Variants in ARID3B observed in about 807,000 individuals in gnomAD.
ARID3B encodes the protein AT-rich interactive domain-containing protein 3B.
ARID3B carries 10 observed loss-of-function variants against 51.9 expected under a neutral mutation model. The ratio of observed to expected loss-of-function variants is 0.19; its 90% CI spans 0.12 to 0.33. The LOEUF is 0.33. Ranked by LOEUF, ARID3B falls within the 10% of genes least tolerant of loss-of-function variation. The pLI is 1.00. For missense variants in ARID3B, 483 were observed against 716.3 expected, an observed-to-expected ratio of 0.67 and a Z score of 3.72; for synonymous variants, 205 against 279.5, an observed-to-expected ratio of 0.73 and a Z score of 2.66.
intron 2 of ARID3B, among the ~76,000 whole-genome samples, chr15:74,557,252 C>T (rs1045409706): frequency 1.1e-4 from 17 of 149,282 alleles, no homozygotes; most frequent in South Asian, 4.2e-4. Context: ...CTGTCTCTAC[C>T]GAAAAAAAAA....
chr15:74,573,478 C>A, intron 4 of ARID3B: 1 of 477,080 alleles, frequency 2.1e-6, no homozygotes, highest in Non-Finnish European at 3.8e-6. Context: ...GGAGTCACTT[C>A]AAATTCAAAT....
chr15:74,564,752 C>T (rs2061691730), intron 2 of ARID3B, among the ~76,000 whole-genome samples: 4 of 152,126 alleles, frequency 2.6e-5, no homozygotes, highest in Admixed American at 2.6e-4. Context: ...AGGCACATGC[C>T]ACCACACCCA....
At chr15:74,549,940 A>G (rs1459310936) in intron 2 of ARID3B, among the ~76,000 whole-genome samples, 2 of 152,232 alleles carry the variant, frequency 1.3e-5, no homozygotes, top group Non-Finnish European at 2.9e-5. Context: ...ATCTGGTCCA[A>G]AATAACAGTA....
chr15:74,564,243 T>G (rs1596255659), intron 2 of ARID3B, among the ~76,000 whole-genome samples: 1 of 152,352 alleles, frequency 6.6e-6, no homozygotes, highest in East Asian at 1.9e-4. Flanking sequence ...CCCTCCCCTC[T>G]TAGGATTCTC....
intron 8 of ARID3B, among the ~76,000 whole-genome samples, 197 bp from the exon 9 acceptor site, chr15:74,595,414 G>A (rs1885581749): frequency 6.6e-6 from 1 of 152,030 alleles, no homozygotes; most frequent in Admixed American, 6.5e-5. Flanking sequence ...TTACTCTGTC[G>A]ACCTATCTGT....
At chr15:74,555,985 G>C (rs1470824333) in intron 2 of ARID3B, among the ~76,000 whole-genome samples, 2 of 151,310 alleles carry the variant, frequency 1.3e-5, no homozygotes, top group Non-Finnish European at 2.9e-5. Context: ...GTAGAGACGG[G>C]GTTTCACCGT....
intron 2 of ARID3B, among the ~76,000 whole-genome samples, chr15:74,554,317 T>C (rs1393340375): frequency 6.6e-6 from 1 of 151,664 alleles, no homozygotes; most frequent in Non-Finnish European, 1.5e-5. Flanking sequence ...CCCTGTTTGT[T>C]TTTGAGATGG....
intron 8 of ARID3B, 107 bp from the exon 9 acceptor site, chr15:74,595,504 A>G: frequency 1.6e-6 from 2 of 1,270,250 alleles, no homozygotes; most frequent in Admixed American, 2.4e-5. Flanking sequence ...CAGTGTCTAC[A>G]GCGGAGTCAG....
intron 4 of ARID3B, among the ~76,000 whole-genome samples, chr15:74,589,300 A>G (rs1341499244): frequency 6.6e-6 from 1 of 151,874 alleles, no homozygotes; most frequent in Admixed American, 6.6e-5. Flanking sequence ...AAGTGCTAGG[A>G]TTACAGGCGT....
At chr15:74,569,444 G>A (rs908612404) in intron 2 of ARID3B, among the ~76,000 whole-genome samples, 12 of 152,004 alleles carry the variant, frequency 7.9e-5, no homozygotes, top group African/African-American at 2.2e-4. Context: ...AAAATTAGCC[G>A]GGCGTACTGG....
chr15:74,564,429 G>A (rs963517230), intron 2 of ARID3B, among the ~76,000 whole-genome samples: 6 of 152,140 alleles, frequency 3.9e-5, no homozygotes, highest in African/African-American at 9.7e-5. Flanking sequence ...TGTGGTATAC[G>A]TAATGCCTGC....
In ARID3B at chr15:74,591,870, G is replaced by A. The variant is rs1164278424; in HGVS notation, c.1420+56G>A. ...TCCTGGAAACCCCAAGCCCATTCAC[G>A]CCTCCTGGGACTGGTGGGGCAGGGG... On this transcript the variant is annotated intron_variant, in intron 7 of 8. Coordinates refer to ENST00000346246, the MANE Select transcript of ARID3B (RefSeq NM_006465.4). The surrounding 1 kb of genome is among the most constrained non-coding windows in gnomAD (Gnocchi z 5.8). 1.4e-5 allele frequency: 22 copies of A among 1,581,792 alleles called. No individual in the cohort carries two copies. Among genetic ancestry groups the A allele is most frequent in the Middle Eastern group, 1.7e-4 (1 of 5,792 alleles).
At chr15:74,546,257 C>T (rs2061615224) in intron 2 of ARID3B, among the ~76,000 whole-genome samples, 1 of 152,264 alleles carries the variant, frequency 6.6e-6, no homozygotes, top group Non-Finnish European at 1.5e-5. Flanking sequence ...GCTGCCCCCG[C>T]ACTGCTGTGT....
chr15:74,559,075 G>A (rs7178568), intron 2 of ARID3B, among the ~76,000 whole-genome samples: 47,049 of 151,988 alleles, frequency 0.31, 9,860 homozygotes, highest in African/African-American at 0.55. Context: ...TTATGCAGTT[G>A]TTTCTGTTCT....
rs2061825038 is a variant in ARID3B at position 74,596,266 on chromosome 15, T to C, written c.*492T>C. 1 of 235,516 alleles carries C rather than the reference T, an allele frequency of 4.2e-6. No homozygotes were observed. The highest frequency in any genetic ancestry group is 8.4e-6 in the Non-Finnish European group (1 of 119,416). The allele number at this position is 235,516 out of a possible 1,614,324, so 14.6% of individuals were successfully genotyped here. ...CCTTCATGCCCTTCTCTGCAGAGCA[T>C]GGGATGGGGCCCTTCCAGCCCACTT... is the stretch of plus-strand genomic sequence containing the variant. On this transcript the variant is annotated 3_prime_UTR_variant, in exon 9 of 9. Transcript: ENST00000346246.
intron 2 of ARID3B, among the ~76,000 whole-genome samples, chr15:74,551,536 G>T (rs767568068): frequency 2.0e-5 from 3 of 152,156 alleles, no homozygotes; most frequent in Non-Finnish European, 2.9e-5. Flanking sequence ...CAGGTTTCCA[G>T]GGACTTGCTC....
In ARID3B at chr15:74,544,050, C is replaced by G. The variant is rs1596247726; in HGVS notation, c.114C>G (p.Ala38=). The change falls in exon 2 of 9, where the codon GCC becomes GCG. Residue 38 remains alanine, a synonymous_variant. Transcript: ENST00000346246. The part of the protein sequence containing the change: ...REKQGQQMRE[A]QFLYAQKLVT... ...AGCAGGGCCAGCAGATGAGAGAAGC[C>G]CAGTTCTTGTATGCCCAAAAGCTGG... The G allele has an allele frequency of 2.5e-6, 4 of 1,613,644 alleles. No homozygotes were observed. In the East Asian group the frequency reaches 8.9e-5, roughly 36 times the overall value.
rs758595748 is a variant in ARID3B at position 74,595,812 on chromosome 15, C to G, written c.*38C>G. Reference sequence around the variant, plus strand: ...AGCTTCCCACTTGCCACTCTCCTGTCGAGAGTGAAGGAAGTTGATGCACAG... The same window carrying G: ...AGCTTCCCACTTGCCACTCTCCTGTGGAGAGTGAAGGAAGTTGATGCACAG... On this transcript the variant is annotated 3_prime_UTR_variant, in exon 9 of 9. Coordinates refer to ENST00000346246, the MANE Select transcript of ARID3B (RefSeq NM_006465.4). 6.3e-7 allele frequency: 1 copy of G among 1,575,584 alleles called. No individual in the cohort carries two copies. The highest frequency in any genetic ancestry group is 8.6e-7 in the Non-Finnish European group (1 of 1,160,194).
chr15:74,563,045 T>C (rs1278130593), intron 2 of ARID3B, among the ~76,000 whole-genome samples: 1 of 152,214 alleles, frequency 6.6e-6, no homozygotes, highest in African/African-American at 2.4e-5. Context: ...TCACTTAGCT[T>C]GTGCTGAGTC....
Sources: allele counts gnomAD v4.1 joint callset (sites outside exome capture counted in the v4.1 genomes callset), GRCh38; gene constraint gnomAD v4.1.1; non-coding constraint Gnocchi (gnomAD v3.1); transcripts MANE v1.5; gene names NCBI Gene and HGNC (gene_info 2026-07-23, HGNC 2026-07-21).